The following KLF8 variants were observed in gnomAD, a reference collection of about 807,000 sequenced individuals.
The protein encoded by KLF8 is Krueppel-like factor 8.
Under a neutral mutation model 18.2 loss-of-function variants are expected in KLF8, and 10 were observed. The ratio of observed to expected loss-of-function variants is 0.55; its 90% confidence interval spans 0.34 to 0.93. KLF8 has a LOEUF of 0.93. Among genes scored for constraint, KLF8 ranks in the 40% least tolerant of loss-of-function variants. KLF8 has a pLI of 0.02. For synonymous variants in KLF8, 109 were observed against 97.3 expected (o/e 1.12, Z -0.71); for missense variants, 264 against 277.9 (o/e 0.95, Z 0.36).
chrX:56,280,173 G>A (rs2067181511), intron 5 of KLF8, among the ~76,000 whole-genome samples: 1 of 112,169 alleles, frequency 8.9e-6, no homozygotes, highest in Non-Finnish European at 1.9e-5. Context: ...TCAAGTCCCA[G>A]TATATTTACA....
Position 56,290,676 on chromosome X carries a change from T to G in KLF8, c.*6182T>G. On this transcript the variant is annotated 3_prime_UTR_variant, in exon 6 of 6. Coordinates refer to ENST00000468660, the MANE Select transcript of KLF8 (RefSeq NM_007250.5). ...GCAATTTTCCAGAGCCCTTTAAGCT[T>G]TGGCCAGTTCAGTTTCACCACTTAT... Among the ~76,000 whole-genome samples, 1 of 111,136 alleles carries G rather than the reference T, an allele frequency of 9.0e-6. No individual in the cohort carries two copies. The highest frequency in any genetic ancestry group is 4.6e-3 in the Middle Eastern group (1 of 218).
At chrX:56,049,039 G>A in the KLF8 span, among the ~76,000 whole-genome samples, 2 of 111,453 alleles carry the variant, frequency 1.8e-5, no homozygotes, top group Non-Finnish European at 3.8e-5. Flanking sequence ...TTTTGAATGG[G>A]AGTTCACTCA....
the KLF8 span, among the ~76,000 whole-genome samples, chrX:56,191,693 C>T: frequency 3.6e-5 from 4 of 111,244 alleles, no homozygotes; most frequent in Non-Finnish European, 7.6e-5. Flanking sequence ...AAATGAATGG[C>T]AAAAATTATT....
chrX:56,010,797 G>A, the KLF8 span, among the ~76,000 whole-genome samples: 6 of 111,726 alleles, frequency 5.4e-5, no homozygotes, highest in African/African-American at 1.6e-4. Context: ...GCAGATAGAA[G>A]CAATCTGTTG....
chrX:56,268,351 C>G (rs780719990), intron 3 of KLF8: 2 of 111,265 alleles, frequency 1.8e-5, no homozygotes, highest in Non-Finnish European at 3.8e-5. Flanking sequence ...TACGGTAGTT[C>G]TAATTTTAAG....
At chrX:55,922,590 C>T in the KLF8 span, among the ~76,000 whole-genome samples, 8 of 112,166 alleles carry the variant, frequency 7.1e-5, no homozygotes, top group Admixed American at 1.9e-4. Flanking sequence ...CAAACCTGCA[C>T]GTCCTGCACA....
chrX:55,950,977 G>A, the KLF8 span, among the ~76,000 whole-genome samples: 2 of 111,660 alleles, frequency 1.8e-5, no homozygotes, highest in East Asian at 5.6e-4. Context: ...ACTGCCATTG[G>A]CCTTTACTTT....
At chrX:55,947,640 T>TA in the KLF8 span, among the ~76,000 whole-genome samples, 23,633 of 109,595 alleles carry the variant, frequency 0.22, 5,404 homozygotes, top group African/African-American at 0.69. Context: ...AGTATAGTAA[T>TA]AAAAAAAATG....
chrX:56,186,111 A>G, the KLF8 span, among the ~76,000 whole-genome samples: 6 of 112,216 alleles, frequency 5.3e-5, no homozygotes, highest in Non-Finnish European at 9.4e-5. Context: ...ACCCATCAGT[A>G]TGCTGTATTC....
At chrX:56,019,029 A>T in the KLF8 span, among the ~76,000 whole-genome samples, 2 of 112,033 alleles carry the variant, frequency 1.8e-5, no homozygotes, top group Non-Finnish European at 3.8e-5. Context: ...AGGCTCTGAC[A>T]GCCTTTACTT....
the KLF8 span, among the ~76,000 whole-genome samples, chrX:56,067,599 G>T: frequency 9.0e-6 from 1 of 111,590 alleles, no homozygotes; most frequent in Non-Finnish European, 1.9e-5. Flanking sequence ...ATCAAAGCTG[G>T]TCAACAGCCA....
the KLF8 span, among the ~76,000 whole-genome samples, chrX:56,147,800 G>C: frequency 3.6e-5 from 4 of 112,100 alleles, no homozygotes; most frequent in Admixed American, 3.8e-4. Context: ...CCAACATGGC[G>C]AAACTCTGTC....
At chrX:56,276,158 C>T (rs1305535738) in intron 5 of KLF8, among the ~76,000 whole-genome samples, 2 of 108,555 alleles carry the variant, frequency 1.8e-5, no homozygotes, top group South Asian at 8.5e-4. Flanking sequence ...ACCTCGCCCC[C>T]GAAACCAAGT....
chrX:56,045,209 G>C, the KLF8 span, among the ~76,000 whole-genome samples: 58,039 of 110,231 alleles, frequency 0.53, 13,715 homozygotes, highest in East Asian at 0.76. Context: ...TTGGCTGTAA[G>C]TATTTGGCTT....
the KLF8 span, among the ~76,000 whole-genome samples, chrX:56,223,439 C>G: frequency 8.9e-6 from 1 of 112,174 alleles, no homozygotes. Flanking sequence ...TACTATGGCC[C>G]CTTGCCATCC....
the KLF8 span, among the ~76,000 whole-genome samples, chrX:56,087,405 A>G: frequency 9.1e-6 from 1 of 109,946 alleles, no homozygotes; most frequent in African/African-American, 3.3e-5. Context: ...CTTGTGACAT[A>G]TGCTCATTTA....
chrX:56,171,775 A>T, the KLF8 span, among the ~76,000 whole-genome samples: 1 of 111,736 alleles, frequency 8.9e-6, no homozygotes, highest in African/African-American at 3.3e-5. Flanking sequence ...TCTATCATTG[A>T]TGGACATTTG....
the KLF8 span, among the ~76,000 whole-genome samples, chrX:56,157,281 T>G: frequency 9.1e-6 from 1 of 109,325 alleles, no homozygotes; most frequent in East Asian, 2.9e-4. Context: ...ATATAACTAA[T>G]GTAAATCACA....
chrX:55,967,373 G>C, the KLF8 span, among the ~76,000 whole-genome samples: 1 of 109,675 alleles, frequency 9.1e-6, no homozygotes, highest in Admixed American at 9.7e-5. Context: ...CAAGAGAAAA[G>C]AAACAAATAA....
Sources: gnomAD v4.1 joint callset for allele counts (sites outside exome capture counted in the v4.1 genomes callset) on GRCh38, gnomAD v4.1.1 for gene constraint, MANE v1.5 for transcripts, NCBI Gene and HGNC (gene_info 2026-07-23, HGNC 2026-07-21) for gene names.